Variants in GRM7 observed in about 807,000 individuals in gnomAD.
The protein encoded by GRM7 is metabotropic glutamate receptor 7.
A neutral mutation model predicts 84.5 loss-of-function variants in GRM7; 35 were observed. That is an observed-to-expected ratio of 0.41 (90% confidence interval 0.32 to 0.55). The LOEUF (loss-of-function observed/expected upper bound fraction) is 0.55, where lower values mean the gene tolerates loss of function less well. GRM7 is among the 20% of genes least tolerant of loss of function. The probability of loss-of-function intolerance (pLI) is 0.19; values close to 1 mark genes in which losing one functional copy is unlikely to be tolerated. For synonymous variants in GRM7, 487 were observed against 455.1 expected (o/e 1.07, Z -0.89); for missense variants, 1,003 against 1,194.6 (o/e 0.84, Z 2.36).
intron 5 of GRM7, among the ~76,000 whole-genome samples, chr3:7,444,903 G>A (rs1053435171): frequency 2.0e-5 from 3 of 152,138 alleles, no homozygotes; most frequent in African/African-American, 7.2e-5. Flanking sequence ...TTCTTTTTGA[G>A]TCTTTAACAG....
chr3:6,945,813 G>C (rs1698056676), intron 1 of GRM7, among the ~76,000 whole-genome samples: 2 of 152,184 alleles, frequency 1.3e-5, no homozygotes, highest in South Asian at 4.1e-4. Context: ...CTGATGGCCA[G>C]TGATGGTGAG....
chr3:6,971,413 C>G (rs1693755363), intron 1 of GRM7, among the ~76,000 whole-genome samples: 1 of 152,130 alleles, frequency 6.6e-6, no homozygotes, highest in South Asian at 2.1e-4. Flanking sequence ...ACCTAATACC[C>G]ATCACCCCCT....
intron 4 of GRM7, among the ~76,000 whole-genome samples, chr3:7,395,677 C>A (rs1037574898): frequency 6.6e-6 from 1 of 152,176 alleles, no homozygotes; most frequent in African/African-American, 2.4e-5. Context: ...GCTCTCTTGC[C>A]TGCTGCCATG....
intron 7 of GRM7, among the ~76,000 whole-genome samples, chr3:7,515,317 G>A (rs905754633): frequency 1.3e-5 from 2 of 152,076 alleles, no homozygotes; most frequent in Non-Finnish European, 2.9e-5. Context: ...GAGGGAGGAA[G>A]GGAGACAGGT....
intron 7 of GRM7, among the ~76,000 whole-genome samples, chr3:7,531,063 G>A (rs115417781): frequency 1.3e-3 from 196 of 152,062 alleles, no homozygotes; most frequent in African/African-American, 4.3e-3. Flanking sequence ...TTTCTTCTAG[G>A]GTTTTATGTT....
At chr3:7,054,724 T>G (rs562865574) in intron 1 of GRM7, among the ~76,000 whole-genome samples, 1 of 151,944 alleles carries the variant, frequency 6.6e-6, no homozygotes, top group Non-Finnish European at 1.5e-5. Flanking sequence ...CTCTCATCTC[T>G]CTCTCTCTTT....
chr3:7,412,190 C>A (rs1320205956), intron 4 of GRM7, among the ~76,000 whole-genome samples: 5 of 152,176 alleles, frequency 3.3e-5, no homozygotes, highest in Non-Finnish European at 7.3e-5. Flanking sequence ...AGGAAGCAGA[C>A]CCTCTGTTTA....
chr3:7,633,423 A>G (rs541308751), intron 8 of GRM7, among the ~76,000 whole-genome samples: 5 of 152,270 alleles, frequency 3.3e-5, no homozygotes, highest in African/African-American at 9.6e-5. Flanking sequence ...TTTTTTTTCC[A>G]GAGTCTGGAC....
intron 1 of GRM7, among the ~76,000 whole-genome samples, chr3:6,991,862 C>T (rs956342775): frequency 5.9e-5 from 9 of 152,030 alleles, no homozygotes; most frequent in South Asian, 2.1e-4. Flanking sequence ...CTATGCTGTA[C>T]GTTAGATATC....
intron 4 of GRM7, among the ~76,000 whole-genome samples, chr3:7,384,718 C>G (rs963371799): frequency 6.6e-6 from 1 of 152,092 alleles, no homozygotes; most frequent in African/African-American, 2.4e-5. Flanking sequence ...AACAGCCACA[C>G]GGGGCTGGTG....
intron 2 of GRM7, among the ~76,000 whole-genome samples, chr3:7,270,319 G>A (rs960024231): frequency 1.3e-5 from 2 of 152,192 alleles, no homozygotes; most frequent in East Asian, 3.9e-4. Context: ...CTCCACTAGA[G>A]TCTAGCTAGA....
intron 4 of GRM7, among the ~76,000 whole-genome samples, chr3:7,363,987 T>G (rs922412349): frequency 2.6e-5 from 4 of 152,092 alleles, no homozygotes; most frequent in African/African-American, 9.7e-5. Flanking sequence ...AAGTTTATTC[T>G]CCAACTGTTA....
chr3:7,145,220 G>A (rs964911786), intron 1 of GRM7, among the ~76,000 whole-genome samples: 14 of 152,032 alleles, frequency 9.2e-5, no homozygotes, highest in African/African-American at 2.7e-4. Flanking sequence ...ACTGGCCTTT[G>A]GACACCCGAG....
intron 9 of GRM7, among the ~76,000 whole-genome samples, chr3:7,720,736 GT>G (rs1311437260): frequency 5.9e-5 from 9 of 152,262 alleles, no homozygotes; most frequent in Non-Finnish European, 1.2e-4. Flanking sequence ...CAATGATGTT[GT>G]CCATAACTTT....
At chr3:6,929,689 G>A (rs867939042) in intron 1 of GRM7, among the ~76,000 whole-genome samples, 9 of 152,054 alleles carry the variant, frequency 5.9e-5, no homozygotes, top group South Asian at 2.1e-4. Context: ...GATAAAATGG[G>A]GCCTACACCC....
intron 1 of GRM7, among the ~76,000 whole-genome samples, chr3:6,895,949 A>G (rs1207431155): frequency 6.6e-6 from 1 of 152,086 alleles, no homozygotes; most frequent in African/African-American, 2.4e-5. Context: ...TAGTGCTCCT[A>G]TGTAGTTCAT....
chr3:7,391,916 C>T (rs1376266918), intron 4 of GRM7, among the ~76,000 whole-genome samples: 1 of 152,108 alleles, frequency 6.6e-6, no homozygotes, highest in Admixed American at 6.5e-5. Flanking sequence ...CCAGGCTCCC[C>T]AGGCCCTGAT....
chr3:7,490,016 T>C (rs1699463604), intron 7 of GRM7, among the ~76,000 whole-genome samples: 1 of 151,728 alleles, frequency 6.6e-6, no homozygotes, highest in East Asian at 1.9e-4. Flanking sequence ...CAGGTGAAAA[T>C]CTGACAAAAA....
intron 7 of GRM7, among the ~76,000 whole-genome samples, chr3:7,480,711 G>A (rs1468510946): frequency 6.6e-6 from 1 of 152,184 alleles, no homozygotes; most frequent in Non-Finnish European, 1.5e-5. Flanking sequence ...AGTGTTTAAT[G>A]TAGGGCTTCA....
Sources: allele counts gnomAD v4.1 joint callset (sites outside exome capture counted in the v4.1 genomes callset), GRCh38; gene constraint gnomAD v4.1.1; transcripts MANE v1.5; gene names NCBI Gene and HGNC (gene_info 2026-07-23, HGNC 2026-07-21).